C1RL: variants seen among roughly 807,000 people sequenced by gnomAD.
C1RL encodes the protein complement C1r subcomponent like, also known as complement C1r subcomponent-like protein.
Under a neutral mutation model 27.9 loss-of-function variants are expected in C1RL, and 27 were observed. The observed-to-expected ratio is 0.97, with a 90% CI of 0.71 to 1.33. The LOEUF is 1.33. Among genes scored for constraint, C1RL ranks in the 40% most tolerant of loss-of-function variants. C1RL has a pLI of 0.00. For synonymous variants in C1RL, 248 were observed against 252.1 expected, an observed-to-expected ratio of 0.98 and a Z score of 0.15; for missense variants, 563 against 623.9, an observed-to-expected ratio of 0.90 and a Z score of 1.04.
chr12:7,094,870 C>A lies in C1RL; in HGVS notation c.*1521G>T. ...CTGGGGGTATAAGTGTGCATCATTG[C>A]ACCTGCCTTTTGGGAATATTTTTAA... is the stretch of plus-strand genomic sequence containing the variant. On this transcript the variant is annotated 3_prime_UTR_variant, in exon 6 of 6. Transcript: ENST00000266542. 9.9e-7 allele frequency: 1 copy of A among 1,008,126 alleles called. No homozygotes were observed. Among genetic ancestry groups the A allele is most frequent in the African/African-American group, 1.7e-5 (1 of 57,438 alleles). 62.4% of individuals were successfully genotyped at this position (1,008,126 alleles called of 1,614,324 possible).
At chr12:7,099,616 CCT>C (rs1938552382) in intron 5 of C1RL, 68 bp downstream of exon 5, 3 of 1,538,610 alleles carry the variant, frequency 1.9e-6, no homozygotes, top group Non-Finnish European at 2.6e-6. Context: ...TCCTTTAACC[CCT>C]GTGTCCTGTA....
chr12:7,101,546 A>T, intron 3 of C1RL: 1 of 334,734 alleles, frequency 3.0e-6, no homozygotes, highest in Non-Finnish European at 5.6e-6. Context: ...CTGGGATTAC[A>T]GGCATGAACC....
In C1RL at chr12:7,099,738, T is replaced by C; in HGVS notation, c.639A>G (p.Pro213=). ...AAAGALTCAT[P]GTWKDRQDGE... ...CATCCTGTCTGTCTTTCCAGGTCCC[T>C]GGGGTTGCACAGGTGAGTGCCCCTG... is the stretch of plus-strand genomic sequence containing the variant. The change falls in exon 5 of 6, where the codon CCA becomes CCG. Residue 213 remains proline (P), a synonymous_variant. Transcript: ENST00000266542. The C allele has an allele frequency of 6.4e-7, 1 of 1,573,398 alleles. No homozygotes were observed. The highest frequency in any genetic ancestry group is 1.2e-5 in the South Asian group (1 of 85,940).
intron 2 of C1RL, 116 bp downstream of exon 2, chr12:7,108,135 T>C: frequency 1.2e-6 from 1 of 856,192 alleles, no homozygotes; most frequent in Admixed American, 3.1e-5. Context: ...CGACTGCCCC[T>C]ACATGGAAAA....
intron 5 of C1RL, among the ~76,000 whole-genome samples, chr12:7,098,123 T>G (rs1416156319): frequency 6.6e-6 from 1 of 151,862 alleles, no homozygotes. Flanking sequence ...AAAAAAAAAT[T>G]AGCCGGCCGT....
At position 7,096,693 on chromosome 12, in the gene C1RL, CAGT is replaced by C; in HGVS notation, c.1159_1161del (p.Thr387del). The C allele has an allele frequency of 1.2e-6, 2 of 1,614,120 alleles. No individual in the cohort carries two copies. Among genetic ancestry groups the C allele is most frequent in the Non-Finnish European group, 1.7e-6 (2 of 1,180,006 alleles). ...ACAGGCAGCCTCGAGTACTTCAGCT[CAGT>C]AGTTAGCCAGCCCATCTCCATGCCA... On this transcript the variant is annotated inframe_deletion, in exon 6 of 6. Coordinates refer to ENST00000266542, the MANE Select transcript of C1RL (RefSeq NM_016546.4).
intron 2 of C1RL, among the ~76,000 whole-genome samples, chr12:7,103,551 TGC>T (rs1938683622): frequency 6.6e-6 from 1 of 152,246 alleles, no homozygotes; most frequent in Non-Finnish European, 1.5e-5. Context: ...TTGTGTGTCC[TGC>T]ACACACATAA....
chr12:7,103,793 C>G (rs1488484848), intron 2 of C1RL, among the ~76,000 whole-genome samples: 2 of 152,192 alleles, frequency 1.3e-5, no homozygotes, highest in South Asian at 2.1e-4. Flanking sequence ...GGGAGGAATC[C>G]TTTTTCTGAA....
At chr12:7,108,658 C>T (rs749808942) in intron 1 of C1RL, 179 bp from the exon 2 acceptor site, 9 of 590,602 alleles carry the variant, frequency 1.5e-5, no homozygotes, top group Non-Finnish European at 2.7e-5. Context: ...CCCTTCCTCA[C>T]CCCAATCCCT....
At chr12:7,102,823 C>T (rs1051626666) in intron 2 of C1RL, among the ~76,000 whole-genome samples, 1 of 152,168 alleles carries the variant, frequency 6.6e-6, no homozygotes, top group Admixed American at 6.5e-5. Flanking sequence ...TTGACTGTCT[C>T]GCCTCTGCTC....
Position 7,101,940 on chromosome 12 carries a change from C to A in C1RL, c.448G>T (p.Ala150Ser). Residue 150 changes from alanine to serine, a missense_variant, in exon 3 of 6, where the codon GCC becomes TCC. Ala to Ser is a moderately conservative substitution (Grantham distance 99). Coordinates refer to ENST00000266542, the MANE Select transcript of C1RL (RefSeq NM_016546.4). ...GCCAGGAAGCCCTTGTGGAGGTGGG[C>A]AGTCTTGTTCTCCGAGGAAGGCTGT... ...RTQPSSENKTAHLHKGFLALY... is the reference protein window; with the variant it reads ...RTQPSSENKTSHLHKGFLALY... 6.2e-7 allele frequency: 1 copy of A among 1,614,202 alleles called. No homozygotes were observed. Among genetic ancestry groups the A allele is most frequent in the Non-Finnish European group, 8.5e-7 (1 of 1,180,022 alleles).
chr12:7,095,113 C>G lies in C1RL; in HGVS notation c.*1278G>C. The G allele has an allele frequency of 8.1e-7, 1 of 1,238,256 alleles. No homozygotes were observed. Among genetic ancestry groups the G allele is most frequent in the Non-Finnish European group, 1.0e-6 (1 of 970,182 alleles). The allele number at this position is 1,238,256 out of a possible 1,614,324, so 76.7% of individuals were successfully genotyped here. On this transcript the variant is annotated 3_prime_UTR_variant, in exon 6 of 6. Coordinates refer to ENST00000266542, the MANE Select transcript of C1RL (RefSeq NM_016546.4). ...ATTTGTGTCTTTCACTGTAAATCACCTCCAATCTTTTTTTTTTGGGGGGGA... is the reference window on the plus strand; with the variant it reads ...ATTTGTGTCTTTCACTGTAAATCACGTCCAATCTTTTTTTTTTGGGGGGGA...
chr12:7,108,070 C>T (rs1938813213), intron 2 of C1RL, 181 bp downstream of exon 2: 1 of 473,400 alleles, frequency 2.1e-6, no homozygotes, highest in Non-Finnish European at 3.7e-6. Flanking sequence ...GCCCCGGAGG[C>T]GCTGGTGGGA....
intron 5 of C1RL, among the ~76,000 whole-genome samples, chr12:7,098,049 C>T (rs937135467): frequency 1.3e-5 from 2 of 151,998 alleles, no homozygotes; most frequent in Non-Finnish European, 2.9e-5. Flanking sequence ...GGGCGGATCA[C>T]GAGGTCAGGA....
intron 5 of C1RL, among the ~76,000 whole-genome samples, chr12:7,099,185 G>A (rs768414771): frequency 1.9e-4 from 25 of 129,090 alleles, no homozygotes; most frequent in Non-Finnish European, 2.3e-4. Flanking sequence ...AGATTGTGCC[G>A]TTGCACTTCA....
chr12:7,108,789 G>C lies in C1RL; in HGVS notation c.72-310C>G, dbSNP rs919124912. On this transcript the variant is annotated intron_variant, in intron 1 of 5. Coordinates refer to ENST00000266542, the MANE Select transcript of C1RL (RefSeq NM_016546.4). ...GAGGGGGGTGCTTTCTGCTTCAGCA[G>C]ATCCCACCCCACCCTGGGATCCGAG... is the stretch of plus-strand genomic sequence containing the variant. 2.0e-5 allele frequency: 11 copies of C among 555,624 alleles called. No homozygotes were observed. In the Admixed American group the frequency reaches 3.4e-4, roughly 17 times the overall value. The allele number at this position is 555,624 out of a possible 1,614,324, so 34.4% of individuals were successfully genotyped here.
chr12:7,108,989 G>GTGTGTGTGTGTGTGT lies in C1RL; in HGVS notation c.71+120_71+121insACACACACACACACA, dbSNP rs753757831. 63 of 70,198 alleles carry GTGTGTGTGTGTGTGT rather than the reference G, an allele frequency of 9.0e-4. 2 individuals carry two copies. The highest frequency in any genetic ancestry group is 1.3e-3 in the Non-Finnish European group (51 of 39,786). 4.3% of individuals were successfully genotyped at this position (70,198 alleles called of 1,614,324 possible). On this transcript the variant is annotated intron_variant, in intron 1 of 5. Coordinates refer to ENST00000266542, the MANE Select transcript of C1RL (RefSeq NM_016546.4). ...GAGGTGTGTGTGTGTGTGTGTGTGT[G>GTGTGTGTGTGTGTGT]GGGGGGGGGGGGATGTGTGTGTGGG...
chr12:7,103,697 C>T (rs1203592742), intron 2 of C1RL, among the ~76,000 whole-genome samples: 1 of 152,172 alleles, frequency 6.6e-6, no homozygotes, highest in Non-Finnish European at 1.5e-5. Context: ...GGAGCAGTGG[C>T]TGAGGACGCT....
rs1346014157 is a variant in C1RL, at chr12:7,103,210, G to C, written c.301-1123C>G. Among the ~76,000 whole-genome samples the C allele has an allele frequency of 2.6e-5, 4 of 152,218 alleles. No individual in the cohort carries two copies. The South Asian group carries it at 8.3e-4, about 31-fold the overall frequency. On this transcript the variant is annotated intron_variant, in intron 2 of 5. Transcript: ENST00000266542. ...GAAGAAGCAATTTGATGTAGGAAATGGTGCTCAACTGCTCTACTTGGTTGT... is the reference window on the plus strand; with the variant it reads ...GAAGAAGCAATTTGATGTAGGAAATCGTGCTCAACTGCTCTACTTGGTTGT...
Sources: gnomAD v4.1 joint callset for allele counts (sites outside exome capture counted in the v4.1 genomes callset) on GRCh38, gnomAD v4.1.1 for gene constraint, MANE v1.5 for transcripts, NCBI Gene and HGNC (gene_info 2026-07-23, HGNC 2026-07-21) for gene names.